Variants in COL4A1 observed in about 807,000 individuals in gnomAD.
The protein encoded by COL4A1 is collagen type IV alpha 1 chain.
A neutral mutation model predicts 216.6 loss-of-function variants in COL4A1; 40 were observed. That is an observed-to-expected ratio of 0.18 (90% CI 0.14 to 0.24). COL4A1 has a LOEUF of 0.24. COL4A1 is among the 10% of genes least tolerant of loss of function. The pLI, the probability that COL4A1 is intolerant of heterozygous loss-of-function variation, is 1.00. For missense variants in COL4A1, 1,628 were observed against 2,196.8 expected (o/e 0.74, Z 5.18); for synonymous variants, 839 against 810.7 (o/e 1.03, Z -0.59).
At chr13:110,221,941 A>G (rs1161081680) in intron 2 of COL4A1, among the ~76,000 whole-genome samples, 2 of 152,226 alleles carry the variant, frequency 1.3e-5, no homozygotes, top group African/African-American at 4.8e-5. Flanking sequence ...TCAACAGCTT[A>G]ATTCCGTTTT....
chr13:110,192,741 C>G, intron 23 of COL4A1, 89 bp downstream of exon 23: 2 of 1,127,402 alleles, frequency 1.8e-6, no homozygotes, highest in Middle Eastern at 5.3e-4. Flanking sequence ...GAAAATCAGG[C>G]CTTCTATGGA....
At chr13:110,248,594 C>G (rs946411612) in intron 1 of COL4A1, among the ~76,000 whole-genome samples, 8 of 151,842 alleles carry the variant, frequency 5.3e-5, no homozygotes, top group East Asian at 1.9e-4. Context: ...TGGATTCAAG[C>G]GATTCTCCTG....
In COL4A1 at chr13:110,253,439, C is replaced by T. The variant is rs58822315; in HGVS notation, c.85-10705G>A. On this transcript the variant is annotated intron_variant, in intron 1 of 51. Coordinates refer to ENST00000375820, the MANE Select transcript of COL4A1 (RefSeq NM_001845.6). ...CATATACATATAATTATATGTATTA[C>T]ATATACATATAATTATATGTATTAC... 1.6e-3 allele frequency among the ~76,000 whole-genome samples: 30 copies of T among 18,224 alleles called. 2 individuals are homozygous for T. Among genetic ancestry groups the T allele is most frequent in the Non-Finnish European group, 3.0e-3 (19 of 6,284 alleles). The allele number at this position is 18,224 out of a possible 152,430, so 12.0% of individuals were successfully genotyped here.
chr13:110,161,143 G>T, intron 49 of COL4A1, 49 bp downstream of exon 49: 1 of 1,578,506 alleles, frequency 6.3e-7, no homozygotes, highest in Non-Finnish European at 8.7e-7. Flanking sequence ...CCAGACTAGA[G>T]ACTTTTCCTC....
chr13:110,169,146 G>T (rs914829873), intron 43 of COL4A1, among the ~76,000 whole-genome samples: 1 of 151,958 alleles, frequency 6.6e-6, no homozygotes, highest in Non-Finnish European at 1.5e-5. Context: ...CTCTGTATCT[G>T]GATCAGGTCA....
chr13:110,178,397 A>C (rs1877987002), intron 31 of COL4A1, among the ~76,000 whole-genome samples, 166 bp from the exon 32 acceptor site: 1 of 152,196 alleles, frequency 6.6e-6, no homozygotes, highest in South Asian at 2.1e-4. Context: ...GGTCATCAGG[A>C]TAATCAAATG....
chr13:110,239,233 T>C (rs1490177640), intron 2 of COL4A1, among the ~76,000 whole-genome samples: 1 of 152,234 alleles, frequency 6.6e-6, no homozygotes, highest in Admixed American at 6.5e-5. Context: ...AATGTATTTA[T>C]AGTATCTACA....
intron 8 of COL4A1, 111 bp from the exon 9 acceptor site, chr13:110,210,323 C>G: frequency 9.6e-7 from 1 of 1,045,202 alleles, no homozygotes. Flanking sequence ...TAGCCTAAGT[C>G]TGGGATTTAG....
Position 110,183,008 on chromosome 13 carries a change from G to A in COL4A1, c.2080C>T (p.Pro694Ser), listed in dbSNP as rs760462654. The change falls in exon 28 of 52, where the codon CCC becomes TCC. Residue 694 changes from proline to serine, a missense_variant. Coordinates refer to ENST00000375820, the MANE Select transcript of COL4A1 (RefSeq NM_001845.6). Reference sequence around the variant, plus strand: ...GCAGGGTTACCTTTGGGGCCGGGGGGCCCTGGAAATCCAATGCCTGGCTGG... The same window carrying A: ...GCAGGGTTACCTTTGGGGCCGGGGGACCCTGGAAATCCAATGCCTGGCTGG... ...VGQPGIGFPG[P>S]PGPKGVDGLP... 3.0e-5 allele frequency: 49 copies of A among 1,612,624 alleles called. No individual in the cohort carries two copies. Among genetic ancestry groups the A allele is most frequent in the Admixed American group, 1.0e-4 (6 of 59,904 alleles).
chr13:110,273,856 A>G (rs1317729038), intron 1 of COL4A1, among the ~76,000 whole-genome samples: 2 of 152,226 alleles, frequency 1.3e-5, no homozygotes, highest in South Asian at 2.1e-4. Context: ...CGCATCTGCC[A>G]AAAGAGCATT....
chr13:110,239,408 A>G (rs1310421825), intron 2 of COL4A1, among the ~76,000 whole-genome samples: 2 of 152,200 alleles, frequency 1.3e-5, no homozygotes, highest in Non-Finnish European at 2.9e-5. Context: ...TATGTCTTAG[A>G]AGTAATAATT....
intron 1 of COL4A1, among the ~76,000 whole-genome samples, chr13:110,258,783 C>G (rs1402978827): frequency 6.6e-6 from 1 of 152,202 alleles, no homozygotes. Flanking sequence ...GAAGCTGATA[C>G]ACTGTAGTTC....
At chr13:110,301,805 C>A (rs1011607499) in intron 1 of COL4A1, among the ~76,000 whole-genome samples, 1 of 152,094 alleles carries the variant, frequency 6.6e-6, no homozygotes, top group South Asian at 2.1e-4. Flanking sequence ...AGCCGTATGT[C>A]GAGGAGTAGC....
At chr13:110,242,603 C>T (rs1881614944) in intron 2 of COL4A1, 72 bp downstream of exon 2, 8 of 1,497,370 alleles carry the variant, frequency 5.3e-6, no homozygotes, top group African/African-American at 2.8e-5. Context: ...GCTGATTATT[C>T]GGTTACTGTT....
chr13:110,219,864 G>GTGTATATATATGTATATATA (rs1880358193), intron 2 of COL4A1, among the ~76,000 whole-genome samples: 4 of 52,992 alleles, frequency 7.5e-5, no homozygotes, highest in African/African-American at 2.4e-4. Flanking sequence ...ATGTATATAT[G>GTGTATATATATGTATATATA]TGTGTGTATA....
chr13:110,262,189 G>A (rs755447125), intron 1 of COL4A1, among the ~76,000 whole-genome samples: 6 of 152,174 alleles, frequency 3.9e-5, no homozygotes, highest in African/African-American at 7.2e-5. Flanking sequence ...CGCACCCCGA[G>A]AGGTGGGGGT....
chr13:110,152,584 G>A, intron 50 of COL4A1, 78 bp from the exon 51 acceptor site: 1 of 1,494,720 alleles, frequency 6.7e-7, no homozygotes, highest in Non-Finnish European at 9.0e-7. Context: ...TCCCAGGAAG[G>A]CGCCAGGGTG....
intron 1 of COL4A1, among the ~76,000 whole-genome samples, chr13:110,295,422 C>CCT (rs1884236751): frequency 1.1e-5 from 1 of 88,186 alleles, no homozygotes; most frequent in African/African-American, 4.1e-5. Flanking sequence ...AGTTCACTTC[C>CCT]TTTTTTTTTT....
At chr13:110,273,336 C>T (rs1883313156) in intron 1 of COL4A1, among the ~76,000 whole-genome samples, 1 of 152,214 alleles carries the variant, frequency 6.6e-6, no homozygotes, top group African/African-American at 2.4e-5. Context: ...AGTGGAATGA[C>T]CTACCTGTGT....
Sources: allele counts gnomAD v4.1 joint callset (sites outside exome capture counted in the v4.1 genomes callset), GRCh38; gene constraint gnomAD v4.1.1; transcripts MANE v1.5; gene names NCBI Gene and HGNC (gene_info 2026-07-23, HGNC 2026-07-21).